The following NTM variants were observed in gnomAD, a reference collection of about 807,000 sequenced individuals.
The protein encoded by NTM is neurotrimin.
In NTM, 13 loss-of-function variants were observed where a neutral mutation model predicts 42.1. The ratio of observed to expected loss-of-function variants is 0.31; its 90% confidence interval spans 0.20 to 0.49. The LOEUF (loss-of-function observed/expected upper bound fraction) is 0.49. Among genes scored for constraint, NTM ranks in the 20% least tolerant of loss-of-function variants. NTM has a pLI of 0.99. For synonymous variants in NTM, 187 were observed against 179.2 expected, an observed-to-expected ratio of 1.04 and a Z score of -0.35; for missense variants, 373 against 452.8, an observed-to-expected ratio of 0.82 and a Z score of 1.60.
At chr11:131,687,846 A>C (rs1468065783) in intron 1 of NTM, among the ~76,000 whole-genome samples, 4 of 151,502 alleles carry the variant, frequency 2.6e-5, no homozygotes, top group Non-Finnish European at 4.4e-5. Flanking sequence ...GATGGTTTCC[A>C]CCCCGCTCCC....
intron 1 of NTM, among the ~76,000 whole-genome samples, chr11:131,764,501 A>C (rs1031107852): frequency 6.6e-6 from 1 of 152,138 alleles, no homozygotes; most frequent in African/African-American, 2.4e-5. Flanking sequence ...TGGTGGAGAG[A>C]GCATGGGGTT....
chr11:131,704,632 C>T (rs1458560857), intron 1 of NTM, among the ~76,000 whole-genome samples: 1 of 151,950 alleles, frequency 6.6e-6, no homozygotes, highest in African/African-American at 2.4e-5. Context: ...GTAACTGACC[C>T]CATAGAAATG....
intron 1 of NTM, among the ~76,000 whole-genome samples, chr11:131,775,924 C>A (rs987595073): frequency 4.6e-5 from 7 of 152,122 alleles, no homozygotes; most frequent in African/African-American, 1.7e-4. Context: ...TTTATTAGGG[C>A]AGACTAAGTG....
chr11:131,960,885 C>T (rs992815129), intron 2 of NTM, among the ~76,000 whole-genome samples: 4 of 152,168 alleles, frequency 2.6e-5, no homozygotes, highest in Non-Finnish European at 5.9e-5. Context: ...GATTCAGGTG[C>T]AGGAGGGTCA....
At chr11:131,823,587 A>G (rs1449424075) in intron 1 of NTM, among the ~76,000 whole-genome samples, 1 of 152,188 alleles carries the variant, frequency 6.6e-6, no homozygotes, top group East Asian at 1.9e-4. Flanking sequence ...ACTTTAATAT[A>G]ATAGAATACA....
chr11:132,128,022 G>A (rs2066143753), intron 2 of NTM, among the ~76,000 whole-genome samples: 1 of 152,088 alleles, frequency 6.6e-6, no homozygotes, highest in Admixed American at 6.5e-5. Flanking sequence ...TCTCATATTT[G>A]GGCACTCTCA....
intron 1 of NTM, among the ~76,000 whole-genome samples, chr11:131,641,516 A>G (rs1384092774): frequency 6.6e-6 from 1 of 152,112 alleles, no homozygotes; most frequent in Non-Finnish European, 1.5e-5. Context: ...GTGAGGTCAA[A>G]TGAAGAGAAA....
intron 1 of NTM, among the ~76,000 whole-genome samples, chr11:131,676,646 T>C (rs2071455031): frequency 6.6e-6 from 1 of 152,254 alleles, no homozygotes; most frequent in African/African-American, 2.4e-5. Context: ...GGCACCACAA[T>C]TAGCCATTGG....
At chr11:132,059,318 G>C (rs1402073668) in intron 2 of NTM, among the ~76,000 whole-genome samples, 1 of 152,182 alleles carries the variant, frequency 6.6e-6, no homozygotes, top group Admixed American at 6.5e-5. Flanking sequence ...GCCCAGCTCA[G>C]GGCCGCCTCT....
intron 2 of NTM, among the ~76,000 whole-genome samples, chr11:131,992,688 A>C (rs907323261): frequency 2.0e-5 from 3 of 152,190 alleles, no homozygotes; most frequent in Non-Finnish European, 4.4e-5. Flanking sequence ...ATTGCCTGAA[A>C]AGATTGAATA....
At chr11:131,835,121 G>A (rs903725644) in intron 1 of NTM, among the ~76,000 whole-genome samples, 1 of 152,168 alleles carries the variant, frequency 6.6e-6, no homozygotes, top group African/African-American at 2.4e-5. Context: ...AGCAGAACAG[G>A]AAATTTTAGG....
intron 1 of NTM, among the ~76,000 whole-genome samples, chr11:131,645,001 C>T (rs567277147): frequency 3.9e-5 from 6 of 152,154 alleles, no homozygotes; most frequent in African/African-American, 7.2e-5. Context: ...CTCTGTCAAG[C>T]TTCTCTGGGT....
chr11:132,184,208 A>G (rs1199964820), intron 3 of NTM, among the ~76,000 whole-genome samples: 2 of 152,138 alleles, frequency 1.3e-5, no homozygotes, highest in Admixed American at 6.5e-5. Context: ...ACTTTCCCTG[A>G]CACTTCTGCC....
At chr11:132,089,866 T>A (rs1054272745) in intron 2 of NTM, among the ~76,000 whole-genome samples, 1 of 152,238 alleles carries the variant, frequency 6.6e-6, no homozygotes, top group Non-Finnish European at 1.5e-5. Context: ...TGTTCAGAAG[T>A]TTTATAACCA....
At chr11:132,062,138 T>G (rs2080780275) in intron 2 of NTM, among the ~76,000 whole-genome samples, 1 of 152,290 alleles carries the variant, frequency 6.6e-6, no homozygotes, top group Admixed American at 6.5e-5. Context: ...TTTGCCTCAC[T>G]TGGAAGTAAT....
At chr11:132,061,858 GATTTT>G (rs2080728496) in intron 2 of NTM, among the ~76,000 whole-genome samples, 1 of 152,074 alleles carries the variant, frequency 6.6e-6, no homozygotes, top group Non-Finnish European at 1.5e-5. Flanking sequence ...ATTTTTTAAA[GATTTT>G]TTTAAAAATT....
chr11:131,627,698 G>A (rs2063262014), intron 1 of NTM, among the ~76,000 whole-genome samples: 1 of 152,006 alleles, frequency 6.6e-6, no homozygotes, highest in African/African-American at 2.4e-5. Flanking sequence ...AGGCATGCTG[G>A]TGCATGCCTG....
chr11:132,233,524 G>C (rs1035541601), intron 4 of NTM, among the ~76,000 whole-genome samples: 1 of 152,142 alleles, frequency 6.6e-6, no homozygotes, highest in Non-Finnish European at 1.5e-5. Flanking sequence ...ATTTTTAAGT[G>C]GTTGAAAAAA....
chr11:131,468,158 G>A (rs921399050), intron 1 of NTM, among the ~76,000 whole-genome samples: 3 of 152,174 alleles, frequency 2.0e-5, no homozygotes, highest in Non-Finnish European at 4.4e-5. Context: ...CTGCCCACTC[G>A]CACTTTGCCT....
Sources: allele counts gnomAD v4.1 joint callset (sites outside exome capture counted in the v4.1 genomes callset), GRCh38; gene constraint gnomAD v4.1.1; transcripts MANE v1.5; gene names NCBI Gene and HGNC (gene_info 2026-07-23, HGNC 2026-07-21).